Variants in GALNT13 observed in about 807,000 individuals in gnomAD.
The protein encoded by GALNT13 is polypeptide N-acetylgalactosaminyltransferase 13.
A neutral mutation model predicts 64.2 loss-of-function variants in GALNT13; 28 were observed. That is an observed-to-expected ratio of 0.44 (90% CI 0.32 to 0.60). The LOEUF (loss-of-function observed/expected upper bound fraction) is 0.60. GALNT13 is among the 20% of genes least tolerant of loss of function. The pLI, the probability that GALNT13 is intolerant of heterozygous loss-of-function variation, is 0.05. For missense variants in GALNT13, 577 were observed against 669.8 expected, an observed-to-expected ratio of 0.86 and a Z score of 1.53; for synonymous variants, 214 against 224.6, an observed-to-expected ratio of 0.95 and a Z score of 0.42.
chr2:153,573,527 T>C, the GALNT13 span, among the ~76,000 whole-genome samples: 1 of 152,056 alleles, frequency 6.6e-6, no homozygotes, highest in Non-Finnish European at 1.5e-5. Flanking sequence ...ATTTTCTTCC[T>C]GTCATTCATT....
At chr2:153,572,073 C>T in the GALNT13 span, among the ~76,000 whole-genome samples, 14 of 151,838 alleles carry the variant, frequency 9.2e-5, no homozygotes, top group African/African-American at 3.1e-4. Flanking sequence ...ACCATTGAGT[C>T]CTAGGCTTTT....
chr2:153,982,616 T>A (rs1574261671), intron 3 of GALNT13, among the ~76,000 whole-genome samples: 1 of 152,178 alleles, frequency 6.6e-6, no homozygotes, highest in East Asian at 1.9e-4. Flanking sequence ...AGCTTAACTA[T>A]CTTTAACAGG....
chr2:153,166,310 G>A, the GALNT13 span, among the ~76,000 whole-genome samples: 1 of 152,138 alleles, frequency 6.6e-6, no homozygotes, highest in Admixed American at 6.5e-5. Flanking sequence ...GTTATAGAAG[G>A]TTCTATCATC....
the GALNT13 span, among the ~76,000 whole-genome samples, chr2:153,346,456 C>T: frequency 6.6e-6 from 1 of 152,036 alleles, no homozygotes; most frequent in Non-Finnish European, 1.5e-5. Flanking sequence ...GGTCGAATAC[C>T]CTAAATCCAT....
chr2:153,826,399 A>G, the GALNT13 span, among the ~76,000 whole-genome samples: 2 of 152,154 alleles, frequency 1.3e-5, no homozygotes, highest in African/African-American at 4.8e-5. Flanking sequence ...TGAGTGCCTC[A>G]CCTCTCAACA....
chr2:154,174,485 G>A (rs1685539610), intron 4 of GALNT13, among the ~76,000 whole-genome samples: 1 of 152,048 alleles, frequency 6.6e-6, no homozygotes, highest in African/African-American at 2.4e-5. Context: ...TAACATAACA[G>A]TTCCATGAGC....
At chr2:153,664,419 C>A in the GALNT13 span, among the ~76,000 whole-genome samples, 1 of 152,188 alleles carries the variant, frequency 6.6e-6, no homozygotes, top group African/African-American at 2.4e-5. Context: ...CCCTGAAAAT[C>A]GCTGTTATCC....
chr2:153,191,492 C>T, the GALNT13 span, among the ~76,000 whole-genome samples: 1 of 152,058 alleles, frequency 6.6e-6, no homozygotes, highest in African/African-American at 2.4e-5. Flanking sequence ...AGGGCTTTTA[C>T]ATCTATGTCA....
the GALNT13 span, among the ~76,000 whole-genome samples, chr2:153,192,569 G>T: frequency 6.6e-6 from 1 of 152,088 alleles, no homozygotes; most frequent in Non-Finnish European, 1.5e-5. Context: ...CTGTCTAGAT[G>T]ATCTGTCTGT....
At chr2:154,020,267 A>G (rs955255247) in intron 3 of GALNT13, among the ~76,000 whole-genome samples, 59 of 152,324 alleles carry the variant, frequency 3.9e-4, no homozygotes, top group African/African-American at 1.3e-3. Context: ...TCCCTGAGGA[A>G]TCGCCACACC....
chr2:153,574,383 A>G, the GALNT13 span, among the ~76,000 whole-genome samples: 49 of 152,122 alleles, frequency 3.2e-4, no homozygotes, highest in African/African-American at 1.1e-3. Flanking sequence ...AGATATTGAT[A>G]TCTATCTCTA....
At chr2:153,266,701 T>G in the GALNT13 span, among the ~76,000 whole-genome samples, 1 of 152,146 alleles carries the variant, frequency 6.6e-6, no homozygotes, top group Non-Finnish European at 1.5e-5. Context: ...CACATTGAAC[T>G]AGGTCCCTCC....
chr2:154,152,332 A>G (rs1040459136), intron 4 of GALNT13, among the ~76,000 whole-genome samples: 5 of 152,066 alleles, frequency 3.3e-5, no homozygotes, highest in African/African-American at 1.2e-4. Context: ...CTTTGTGGGT[A>G]ACCCGACCTT....
the GALNT13 span, among the ~76,000 whole-genome samples, chr2:153,565,331 T>G: frequency 6.6e-6 from 1 of 152,176 alleles, no homozygotes; most frequent in Non-Finnish European, 1.5e-5. Flanking sequence ...TCTTTCAAAC[T>G]CACAGGCTTT....
At chr2:153,332,580 C>A in the GALNT13 span, among the ~76,000 whole-genome samples, 21 of 145,526 alleles carry the variant, frequency 1.4e-4, no homozygotes, top group Middle Eastern at 3.6e-3. Flanking sequence ...TTAGGGTGTG[C>A]AACAATTGGG....
At chr2:154,325,990 C>A (rs1477325658) in intron 9 of GALNT13, among the ~76,000 whole-genome samples, 1 of 152,046 alleles carries the variant, frequency 6.6e-6, no homozygotes, top group African/African-American at 2.4e-5. Flanking sequence ...TCTACATGCT[C>A]TAAATTTGGA....
At chr2:153,280,077 T>C in the GALNT13 span, among the ~76,000 whole-genome samples, 14 of 152,186 alleles carry the variant, frequency 9.2e-5, no homozygotes, top group African/African-American at 2.9e-4. Flanking sequence ...TTTGAATTTA[T>C]TCCTGATTCA....
At chr2:153,388,130 T>C in the GALNT13 span, among the ~76,000 whole-genome samples, 1 of 151,940 alleles carries the variant, frequency 6.6e-6, no homozygotes, top group Non-Finnish European at 1.5e-5. Flanking sequence ...TAGTCTTTGC[T>C]TTCTCACTTC....
chr2:154,298,564 T>TCATATATAAATTG lies in GALNT13; in HGVS notation c.976-2845_976-2844insCATATATAAATTG, dbSNP rs1427090470. Among the ~76,000 whole-genome samples the TCATATATAAATTG allele has an allele frequency of 1.4e-3, 73 of 54,008 alleles. 3 individuals are homozygous for TCATATATAAATTG. Among genetic ancestry groups the TCATATATAAATTG allele is most frequent in the East Asian group, 2.4e-3 (7 of 2,876 alleles). 35.4% of individuals were successfully genotyped at this position (54,008 alleles called of 152,430 possible). ...TTTATATATAAATTGTATATATAAT[T>TCATATATAAATTG]TATATATAAATTGTATATATAATTT... On this transcript the variant is annotated intron_variant, in intron 8 of 12. Transcript: ENST00000392825.
Sources: allele counts gnomAD v4.1 joint callset (sites outside exome capture counted in the v4.1 genomes callset), GRCh38; gene constraint gnomAD v4.1.1; transcripts MANE v1.5; gene names NCBI Gene and HGNC (gene_info 2026-07-23, HGNC 2026-07-21).